Variants in PGR observed in about 807,000 individuals in gnomAD.
PGR encodes the protein nuclear receptor subfamily 3 group C member 3.
PGR carries 25 observed loss-of-function variants against 76.1 expected under a neutral mutation model. That is an observed-to-expected ratio of 0.33 (90% confidence interval 0.24 to 0.46). PGR has a LOEUF of 0.46. Among genes scored for constraint, PGR ranks in the 20% least tolerant of loss-of-function variants. The probability of loss-of-function intolerance (pLI) is 1.00; values close to 1 mark genes in which losing one functional copy is unlikely to be tolerated. For synonymous variants in PGR, 579 were observed against 535.0 expected (o/e 1.08, Z -1.14); for missense variants, 1,172 against 1,225.3 (o/e 0.96, Z 0.65).
At chr11:101,122,152 C>CAA (rs56163757) in intron 2 of PGR, among the ~76,000 whole-genome samples, 28,116 of 102,006 alleles carry the variant, frequency 0.28, 4,270 homozygotes, top group Non-Finnish European at 0.33. Flanking sequence ...GACTCCGTCT[C>CAA]AAAAAAAAAA....
chr11:101,043,745 T>C (rs1026491556), intron 6 of PGR, among the ~76,000 whole-genome samples: 4 of 152,218 alleles, frequency 2.6e-5, no homozygotes, highest in Non-Finnish European at 5.9e-5. Context: ...TATATATCCA[T>C]AAGAGCTCTT....
intron 3 of PGR, among the ~76,000 whole-genome samples, chr11:101,064,442 A>C (rs571005161): frequency 1.3e-5 from 2 of 151,126 alleles, no homozygotes; most frequent in East Asian, 3.9e-4. Flanking sequence ...TTAAAAAACA[A>C]AGGGGATTCA....
chr11:101,051,662 G>A lies in PGR; in HGVS notation c.2213-94C>T, dbSNP rs191375872. 581 of 893,154 alleles carry A rather than the reference G, an allele frequency of 6.5e-4. 1 individual carries two copies. The highest frequency in any genetic ancestry group is 8.6e-4 in the Non-Finnish European group (459 of 530,640). The allele number at this position is 893,154 out of a possible 1,614,324, so 55.3% of individuals were successfully genotyped here. A position where few individuals can be genotyped will look rare whatever the true frequency, so the allele number is the denominator to read the frequency against. Reference sequence around the variant, plus strand: ...CATATAAATCTGAAAATAGGTATGCGTAGGGTAATAAAATGTTTTCAATCC... The same window carrying A: ...CATATAAATCTGAAAATAGGTATGCATAGGGTAATAAAATGTTTTCAATCC... On this transcript the variant is annotated intron_variant, in intron 4 of 7. Transcript: ENST00000325455.
At chr11:101,070,176 A>T (rs1371703146) in intron 3 of PGR, among the ~76,000 whole-genome samples, 2 of 152,102 alleles carry the variant, frequency 1.3e-5, no homozygotes, top group African/African-American at 4.8e-5. Context: ...ATGGAGAGCG[A>T]GCTGAAGCAG....
At chr11:101,110,432 A>G (rs1285298675) in intron 2 of PGR, among the ~76,000 whole-genome samples, 2 of 152,224 alleles carry the variant, frequency 1.3e-5, no homozygotes, top group East Asian at 1.9e-4. Context: ...TCATGGAGGA[A>G]GTAACTGCAT....
rs185213904 is a variant in PGR, at chr11:101,125,789, G to A, written c.1789+218C>T. Among the ~76,000 whole-genome samples, 130 of 152,274 alleles carry A rather than the reference G, an allele frequency of 8.5e-4. 1 individual carries two copies. The highest frequency in any genetic ancestry group is 1.1e-3 in the African/African-American group (45 of 41,558). ...TTATGACTTATGTCTAATACTGAAA[G>A]TGTTAGTCAAAGAGTATGCAATTAT... On this transcript the variant is annotated intron_variant, in intron 2 of 7. Transcript: ENST00000325455.
At chr11:101,115,592 T>G (rs1862476446) in intron 2 of PGR, among the ~76,000 whole-genome samples, 1 of 152,018 alleles carries the variant, frequency 6.6e-6, no homozygotes, top group Admixed American at 6.6e-5. Context: ...GCCAACATGG[T>G]GAAACCCCAT....
At chr11:101,041,319 T>C (rs1240225707) in intron 7 of PGR, among the ~76,000 whole-genome samples, 1 of 152,152 alleles carries the variant, frequency 6.6e-6, no homozygotes, top group East Asian at 1.9e-4. Context: ...CTGAACATAG[T>C]AGCAATAAAA....
chr11:101,085,129 C>A (rs368735082), intron 3 of PGR, among the ~76,000 whole-genome samples: 1 of 152,174 alleles, frequency 6.6e-6, no homozygotes, highest in Non-Finnish European at 1.5e-5. Flanking sequence ...AACCACAGAA[C>A]GTAAATTCTT....
chr11:101,127,985 C>A lies in PGR; in HGVS notation c.1086G>T (p.Ala362=), dbSNP rs142077957. The change falls in exon 1 of 8, where the codon GCG becomes GCT. Residue 362 remains alanine, a synonymous_variant. Transcript: ENST00000325455. ...PVAVGDFPDC[A]YPPDAEPKDD... is the part of the protein sequence containing the mutation. ...CCTTGGGCTCGGCGTCGGGCGGGTA[C>A]GCGCAGTCGGGGAAGTCGCCTACAG... is the stretch of plus-strand genomic sequence containing the variant. 1 of 1,611,714 alleles carries A rather than the reference C, an allele frequency of 6.2e-7. No homozygotes were observed.
In PGR at chr11:101,128,306, A is replaced by AGCCGCGGCTCCTCCTCCAGCC. The variant is rs2135516221; in HGVS notation, c.744_764dup (p.Ala249_Ala255dup). The AGCCGCGGCTCCTCCTCCAGCC allele has an allele frequency of 6.3e-7, 1 of 1,593,780 alleles. No individual in the cohort carries two copies. Among genetic ancestry groups the AGCCGCGGCTCCTCCTCCAGCC allele is most frequent in the East Asian group, 2.2e-5 (1 of 44,476 alleles). ...CTCCTGCTGCCGCCCCCGGCGGGACAGCCGCGGCTCCTCCTCCAGCCGCCG... is the reference window on the plus strand; with the variant it reads ...CTCCTGCTGCCGCCCCCGGCGGGACAGCCGCGGCTCCTCCTCCAGCCGCCGCGGCTCCTCCTCCAGCCGCCG... On this transcript the variant is annotated inframe_insertion, in exon 1 of 8. Transcript: ENST00000325455.
At position 101,064,982 on chromosome 11, in the gene PGR, C is replaced by A. The variant is rs35696832; in HGVS notation, c.1907-2230G>T. Among the ~76,000 whole-genome samples, 164 of 152,298 alleles carry A rather than the reference C, an allele frequency of 1.1e-3. 1 individual carries two copies. The highest frequency in any genetic ancestry group is 1.8e-3 in the Non-Finnish European group (125 of 68,034). On this transcript the variant is annotated intron_variant, in intron 3 of 7. Transcript: ENST00000325455. ...TGTAGCCCAGGAGCAATGGGCTACACCAAACAGCCTAGGTGTGTAGTAGGC... is the reference window on the plus strand; with the variant it reads ...TGTAGCCCAGGAGCAATGGGCTACAACAAACAGCCTAGGTGTGTAGTAGGC...
Position 101,051,423 on chromosome 11 carries a change from C to T in PGR, c.2357+1G>A. 1 of 1,598,818 alleles carries T rather than the reference C, an allele frequency of 6.3e-7. No individual in the cohort carries two copies. The highest frequency in any genetic ancestry group is 8.6e-7 in the Non-Finnish European group (1 of 1,166,884). On this transcript the variant is annotated splice_donor_variant, in intron 5 of 7. Transcript: ENST00000325455. LOFTEE classifies it high-confidence loss of function. ...CAAAAACAACAAAAGTTACTACTTACTCATTTAGTATTAGATCAGGTGCAA... is the reference window on the plus strand; with the variant it reads ...CAAAAACAACAAAAGTTACTACTTATTCATTTAGTATTAGATCAGGTGCAA...
chr11:101,115,979 A>G (rs1227072352), intron 2 of PGR, among the ~76,000 whole-genome samples: 2 of 152,230 alleles, frequency 1.3e-5, no homozygotes, highest in East Asian at 3.9e-4. Context: ...ATAGAGCAAC[A>G]CTTAATAAAA....
Position 101,127,953 on chromosome 11 carries a change from G to C in PGR, c.1118C>G (p.Ala373Gly). ...YPPDAEPKDD[A>G]YPLYSDFQPP... ...CTGGAAGTCGCTATAGAGAGGGTAC[G>C]CGTCGTCCTTGGGCTCGGCGTCGGG... is the stretch of plus-strand genomic sequence containing the variant. The change falls in exon 1 of 8, where the codon GCG (alanine) becomes GGG (glycine). Residue 373 changes from alanine to glycine, a missense_variant. Physicochemically the swap from Ala to Gly is moderately conservative, Grantham distance 60 (BLOSUM62 0). Transcript: ENST00000325455. 6.2e-7 allele frequency: 1 copy of C among 1,611,940 alleles called. No individual in the cohort carries two copies. Among genetic ancestry groups the C allele is most frequent in the Non-Finnish European group, 8.5e-7 (1 of 1,179,786 alleles).
At chr11:101,111,161 C>G (rs1361756746) in intron 2 of PGR, among the ~76,000 whole-genome samples, 1 of 152,128 alleles carries the variant, frequency 6.6e-6, no homozygotes, top group Non-Finnish European at 1.5e-5. Flanking sequence ...ATAACAAATA[C>G]ATATAATGTG....
At chr11:101,074,197 A>G (rs1451202272) in intron 3 of PGR, among the ~76,000 whole-genome samples, 3 of 152,216 alleles carry the variant, frequency 2.0e-5, no homozygotes, top group Non-Finnish European at 4.4e-5. Context: ...AACGTAATCC[A>G]TCACATAAAC....
intron 2 of PGR, among the ~76,000 whole-genome samples, chr11:101,100,871 C>T (rs960017181): frequency 2.6e-5 from 4 of 152,032 alleles, no homozygotes; most frequent in African/African-American, 9.7e-5. Flanking sequence ...TTATGTGGCC[C>T]AATAGGTCAA....
intron 2 of PGR, among the ~76,000 whole-genome samples, chr11:101,102,882 C>T (rs888420295): frequency 6.6e-6 from 1 of 151,248 alleles, no homozygotes; most frequent in Non-Finnish European, 1.5e-5. Context: ...TTGGGGGAAG[C>T]GGTGATTTCA....
Sources: allele counts gnomAD v4.1 joint callset (sites outside exome capture counted in the v4.1 genomes callset), GRCh38; gene constraint gnomAD v4.1.1; transcripts MANE v1.5; gene names NCBI Gene and HGNC (gene_info 2026-07-23, HGNC 2026-07-21).